CCDC125: variants seen among roughly 807,000 people sequenced by gnomAD.
CCDC125 encodes the protein coiled-coil domain containing 125.
A neutral mutation model predicts 57.4 loss-of-function variants in CCDC125; 43 were observed. The observed-to-expected ratio is 0.75, with a 90% CI of 0.59 to 0.97. CCDC125 has a LOEUF of 0.97. Ranked by LOEUF, CCDC125 falls within the 50% of genes least tolerant of loss-of-function variation. CCDC125 has a pLI of 0.00. For synonymous variants in CCDC125, 187 were observed against 195.2 expected, an observed-to-expected ratio of 0.96 and a Z score of 0.35; for missense variants, 563 against 595.7, an observed-to-expected ratio of 0.95 and a Z score of 0.57.
At chr5:69,297,814 AC>A (rs1186977006) in intron 8 of CCDC125, among the ~76,000 whole-genome samples, 5 of 150,886 alleles carry the variant, frequency 3.3e-5, no homozygotes, top group Non-Finnish European at 5.9e-5. Flanking sequence ...TAAAAAAAAA[AC>A]ATTAGCTGGG....
downstream of CCDC125, among the ~76,000 whole-genome samples, chr5:69,278,786 G>A (rs572312822): frequency 9.4e-5 from 13 of 138,584 alleles, no homozygotes; most frequent in Admixed American, 2.4e-4. Flanking sequence ...CTGCAGCTTC[G>A]AACTCCTGGG....
rs765732073 is a variant in CCDC125 at position 69,313,999 on chromosome 5, T to C, written c.352A>G (p.Asn118Asp). Residue 118 changes from asparagine (N) to aspartate (D), a missense_variant, in exon 3 of 12, where the codon AAT (asparagine) becomes GAT (aspartate). Physicochemically the swap from Asn to Asp is conservative, Grantham distance 23 (BLOSUM62 1). Transcript: ENST00000396496. The stretch of plus-strand genomic sequence containing the variant: ...AGAGTACCTACCTCTAAAGTTTCAT[T>C]AAGACATTGCCTTAATTCTTCATTT... ...LSNEELRQCL[N>D]ETLEEVEMLK... 5.6e-6 allele frequency: 9 copies of C among 1,609,316 alleles called. No homozygotes were observed. Among genetic ancestry groups the C allele is most frequent in the Non-Finnish European group, 7.7e-6 (9 of 1,175,628 alleles).
chr5:69,285,092 C>T (rs1222122100), intron 11 of CCDC125, among the ~76,000 whole-genome samples: 1 of 150,158 alleles, frequency 6.7e-6, no homozygotes, highest in Non-Finnish European at 1.5e-5. Flanking sequence ...GACTCTGTCT[C>T]AAAAACCAAA....
chr5:69,304,470 G>C (rs1198834324), intron 6 of CCDC125, among the ~76,000 whole-genome samples: 1 of 143,924 alleles, frequency 6.9e-6, no homozygotes, highest in African/African-American at 2.6e-5. Flanking sequence ...CTGTTACCTA[G>C]GCTGGAGTGC....
At chr5:69,313,789 C>T (rs1758548706) in intron 3 of CCDC125, 196 bp downstream of exon 3, 1 of 797,444 alleles carries the variant, frequency 1.3e-6, no homozygotes, top group East Asian at 2.4e-5. Flanking sequence ...GCTTCTTCAA[C>T]TTCTCTGGTG....
At chr5:69,295,837 A>G (rs986678723) in intron 8 of CCDC125, among the ~76,000 whole-genome samples, 1 of 151,342 alleles carries the variant, frequency 6.6e-6, no homozygotes, top group Non-Finnish European at 1.5e-5. Flanking sequence ...TTCCCTAAAC[A>G]TTGTCCATAT....
rs540684433 is a variant in CCDC125, at chr5:69,314,284, G to A, written c.305-238C>T. Among the ~76,000 whole-genome samples the A allele has an allele frequency of 6.6e-5, 10 of 152,110 alleles. No homozygotes were observed. In the East Asian group the frequency reaches 1.9e-3, roughly 29 times the overall value. On this transcript the variant is annotated intron_variant, in intron 2 of 11. Coordinates refer to ENST00000396496, the MANE Select transcript of CCDC125 (RefSeq NM_176816.5). Reference sequence around the variant, plus strand: ...GTTCAAGGCCAGCCTGGCCAACATGGTAAAACCCTGTCTCTACTAAAAATA... The same window carrying A: ...GTTCAAGGCCAGCCTGGCCAACATGATAAAACCCTGTCTCTACTAAAAATA...
chr5:69,302,239 T>C (rs899862582), intron 7 of CCDC125, among the ~76,000 whole-genome samples: 1 of 151,092 alleles, frequency 6.6e-6, no homozygotes, highest in Non-Finnish European at 1.5e-5. Context: ...CTGGTCAACA[T>C]GGTGAAACCC....
chr5:69,303,742 A>C, intron 7 of CCDC125, 105 bp downstream of exon 7: 1 of 655,702 alleles, frequency 1.5e-6, no homozygotes, highest in South Asian at 2.0e-5. Context: ...AAAAAACCTA[A>C]ATGATACATT....
intron 1 of CCDC125, among the ~76,000 whole-genome samples, chr5:69,323,521 A>T (rs935857078): frequency 4.6e-5 from 7 of 151,102 alleles, no homozygotes; most frequent in African/African-American, 1.7e-4. Context: ...AACACTGTGG[A>T]TTTTTTTTTC....
At chr5:69,300,265 A>AGGTTT in intron 7 of CCDC125, 138 bp from the exon 8 acceptor site, 1 of 651,390 alleles carries the variant, frequency 1.5e-6, no homozygotes, top group Non-Finnish European at 2.8e-6. Context: ...CAGAAAACCT[A>AGGTTT]TCTGATAGAA....
intron 1 of CCDC125, among the ~76,000 whole-genome samples, chr5:69,322,736 T>C (rs1290771971): frequency 6.6e-6 from 1 of 151,822 alleles, no homozygotes; most frequent in East Asian, 2.0e-4. Context: ...CTAATTTTTG[T>C]ATTTTTAGCA....
downstream of CCDC125, among the ~76,000 whole-genome samples, chr5:69,279,321 C>T (rs1579907544): frequency 7.3e-6 from 1 of 136,220 alleles, no homozygotes; most frequent in Admixed American, 7.3e-5. Flanking sequence ...CTCAGCCTCC[C>T]GAGTAGCTGG....
rs1438410803 is a variant in CCDC125, at chr5:69,280,836, C to CT, written c.*1892dup. ...TTCTTTTGGAGATGGGGGTCTCACT[C>CT]TGTCACTCAGGCTGGAGTGCAGTGG... On this transcript the variant is annotated 3_prime_UTR_variant, in exon 12 of 12. Coordinates refer to ENST00000396496, the MANE Select transcript of CCDC125 (RefSeq NM_176816.5). The CT allele has an allele frequency of 6.6e-6, 1 of 152,510 alleles. No individual in the cohort carries two copies. Among genetic ancestry groups the CT allele is most frequent in the East Asian group, 1.9e-4 (1 of 5,220 alleles). 9.4% of individuals were successfully genotyped at this position (152,510 alleles called of 1,614,324 possible). A position where few individuals can be genotyped will look rare whatever the true frequency, so the allele number is the denominator to read the frequency against.
At chr5:69,273,908 G>C in the CCDC125 span, among the ~76,000 whole-genome samples, 2 of 152,264 alleles carry the variant, frequency 1.3e-5, no homozygotes, top group South Asian at 4.1e-4. Flanking sequence ...TGGAAGGATA[G>C]ATAGATATAG....
chr5:69,286,994 T>TAA (rs33957725), intron 10 of CCDC125, among the ~76,000 whole-genome samples: 447 of 112,754 alleles, frequency 4.0e-3, no homozygotes, highest in African/African-American at 0.014. Context: ...GAGTTTAAGA[T>TAA]AAAAAAAAAA....
chr5:69,276,757 A>C (rs1442361518), downstream of CCDC125: 34 of 1,344,850 alleles, frequency 2.5e-5, no homozygotes, highest in Non-Finnish European at 3.3e-5. Flanking sequence ...GTGTATGGCT[A>C]GCGACTGAAC....
chr5:69,322,071 C>A (rs1760112725), intron 1 of CCDC125, among the ~76,000 whole-genome samples: 1 of 152,026 alleles, frequency 6.6e-6, no homozygotes, highest in Non-Finnish European at 1.5e-5. Flanking sequence ...GAACTCCTGA[C>A]CTCAGGTGAT....
Position 69,320,481 on chromosome 5 carries a change from C to T in CCDC125, c.60G>A (p.Glu20=). The change falls in exon 2 of 12, where the codon GAG becomes GAA. Residue 20 remains glutamate, a synonymous_variant. Transcript: ENST00000396496. ...ESDVQLWETE[E]DDMTEGDLGY... is the part of the protein sequence containing the mutation. ...CTAAATCACCTTCTGTCATGTCATC[C>T]TCTTCTGTTTCCCAGAGCTGCACGT... is the stretch of plus-strand genomic sequence containing the variant. 2.5e-6 allele frequency: 4 copies of T among 1,613,622 alleles called. No homozygotes were observed. Among genetic ancestry groups the T allele is most frequent in the Non-Finnish European group, 3.4e-6 (4 of 1,179,656 alleles).
Sources: allele counts gnomAD v4.1 joint callset (sites outside exome capture counted in the v4.1 genomes callset), GRCh38; gene constraint gnomAD v4.1.1; transcripts MANE v1.5; gene names NCBI Gene and HGNC (gene_info 2026-07-23, HGNC 2026-07-21).